Variants in CCAR1 observed in about 807,000 individuals in gnomAD.
CCAR1 encodes cell division cycle and apoptosis regulator 1.
In CCAR1, 78 loss-of-function variants were observed where a neutral mutation model predicts 163.8. The ratio of observed to expected loss-of-function variants is 0.48; its 90% CI spans 0.40 to 0.57. The LOEUF (loss-of-function observed/expected upper bound fraction) is 0.57. CCAR1 is among the 20% of genes least tolerant of loss of function. The pLI, the probability that CCAR1 is intolerant of heterozygous loss-of-function variation, is 0.00. For missense variants in CCAR1, 1,019 were observed against 1,365.2 expected, an observed-to-expected ratio of 0.75 and a Z score of 4.00; for synonymous variants, 443 against 460.7, an observed-to-expected ratio of 0.96 and a Z score of 0.49.
rs879210796 is a variant in CCAR1, at chr10:68,722,642, G to A, written c.73+65G>A. ...GGACTTGTTAAAACTACGTGAATTA[G>A]GGCCGGGGGTGGTGGCTCACGCCTG... On this transcript the variant is annotated intron_variant, in intron 2 of 24. Transcript: ENST00000265872. The A allele has an allele frequency of 6.3e-6, 8 of 1,272,412 alleles. No homozygotes were observed. The South Asian group carries it at 9.6e-5, about 15-fold the overall frequency. The allele number at this position is 1,272,412 out of a possible 1,614,324, so 78.8% of individuals were successfully genotyped here. A position where few individuals can be genotyped will look rare whatever the true frequency, so the allele number is the denominator to read the frequency against.
rs1016178705 is a variant in CCAR1, at chr10:68,783,644, C to G, written c.2651-2492C>G. On this transcript the variant is annotated intron_variant, in intron 19 of 24. Coordinates refer to ENST00000265872, the MANE Select transcript of CCAR1 (RefSeq NM_018237.4). ...GATGACTTTGAAGGGTTCAATAATT[C>G]AGTAGAGGGAATAACTGCAGGTATG... Among the ~76,000 whole-genome samples, 3 of 152,080 alleles carry G rather than the reference C, an allele frequency of 2.0e-5. No individual in the cohort carries two copies. The South Asian group carries it at 6.2e-4, about 32-fold the overall frequency.
Position 68,756,371 on chromosome 10 carries a change from A to G in CCAR1, c.1724A>G (p.Asp575Gly), listed in dbSNP as rs1289866096. Residue 575 changes from aspartate (D) to glycine (G), a missense_variant, in exon 14 of 25, where the codon GAT (aspartate) becomes GGT (glycine). Physicochemically the swap from Asp to Gly is moderately conservative, Grantham distance 94 (BLOSUM62 -1). Coordinates refer to ENST00000265872, the MANE Select transcript of CCAR1 (RefSeq NM_018237.4). The surrounding 1 kb of genome is among the most constrained non-coding windows in gnomAD (Gnocchi z 5.1). ...HVETVVLFFPDVWHCLPTRSE... is the reference protein window; with the variant it reads ...HVETVVLFFPGVWHCLPTRSE... ...GAGACAGTGGTTTTATTTTTCCCGG[A>G]TGTTTGGCATTGCCTTCCCACCCGC... The G allele has an allele frequency of 6.2e-7, 1 of 1,613,854 alleles. No individual in the cohort carries two copies. The highest frequency in any genetic ancestry group is 1.7e-5 in the Admixed American group (1 of 59,978).
At chr10:68,751,276 C>T (rs1279761795) in intron 10 of CCAR1, among the ~76,000 whole-genome samples, 1 of 152,044 alleles carries the variant, frequency 6.6e-6, no homozygotes, top group African/African-American at 2.4e-5. Flanking sequence ...ATCCAGTCGC[C>T]TCAGCCTCCC....
intron 5 of CCAR1, among the ~76,000 whole-genome samples, chr10:68,742,023 A>C (rs1252367505): frequency 6.6e-6 from 1 of 152,192 alleles, no homozygotes; most frequent in African/African-American, 2.4e-5. Context: ...CCCTAAGTGT[A>C]CCCATAACAC....
At chr10:68,765,329 A>G (rs1174914353) in intron 16 of CCAR1, among the ~76,000 whole-genome samples, 1 of 152,158 alleles carries the variant, frequency 6.6e-6, no homozygotes, top group Non-Finnish European at 1.5e-5. Context: ...CAGCTGCTGC[A>G]CTTTCCAGTA....
chr10:68,749,752 C>T (rs969275240), intron 10 of CCAR1, 67 bp downstream of exon 10: 1 of 1,356,756 alleles, frequency 7.4e-7, no homozygotes, highest in Non-Finnish European at 1.0e-6. Context: ...GAATATGTCA[C>T]AGAGGTATTT....
intron 16 of CCAR1, among the ~76,000 whole-genome samples, chr10:68,762,755 A>AT (rs1170945137): frequency 4.3e-4 from 65 of 152,036 alleles, no homozygotes; most frequent in Non-Finnish European, 2.9e-5. Context: ...TAAATTTTTT[A>AT]TTTTTTTTAA....
At chr10:68,788,704 C>CA (rs2056822499) in intron 23 of CCAR1, among the ~76,000 whole-genome samples, 1 of 152,048 alleles carries the variant, frequency 6.6e-6, no homozygotes, top group Non-Finnish European at 1.5e-5. Flanking sequence ...AGGATGGTCT[C>CA]AAACTCCTGA....
chr10:68,784,703 T>C (rs548502940), intron 19 of CCAR1, among the ~76,000 whole-genome samples: 76 of 152,116 alleles, frequency 5.0e-4, no homozygotes, highest in African/African-American at 1.8e-3. Context: ...CATGCGCTAC[T>C]TAGTCTGACT....
chr10:68,722,728 C>T (rs2055877125), intron 2 of CCAR1, 151 bp downstream of exon 2: 2 of 598,768 alleles, frequency 3.3e-6, no homozygotes, highest in Non-Finnish European at 5.9e-6. Context: ...TCGTAACCAG[C>T]CTGGCCAACA....
At chr10:68,767,719 A>G (rs1431890910) in intron 17 of CCAR1, among the ~76,000 whole-genome samples, 1 of 152,050 alleles carries the variant, frequency 6.6e-6, no homozygotes, top group Non-Finnish European at 1.5e-5. Context: ...TAATTTTTGC[A>G]TGTTGGCCAG....
At chr10:68,786,105 CTT>C (rs756318589) in intron 19 of CCAR1, 29 bp from the exon 20 acceptor site, 1 of 1,489,904 alleles carries the variant, frequency 6.7e-7, no homozygotes, top group African/African-American at 1.4e-5. Context: ...GTATTAATGA[CTT>C]TTTTGCCACT....
At chr10:68,787,803 C>T (rs552355225) in intron 21 of CCAR1, 124 bp from the exon 22 acceptor site, 2 of 869,038 alleles carry the variant, frequency 2.3e-6, no homozygotes, top group African/African-American at 3.5e-5. Flanking sequence ...CCACTGCACT[C>T]CAGTTTGGGC....
intron 10 of CCAR1, among the ~76,000 whole-genome samples, chr10:68,753,281 G>T (rs2056358028): frequency 6.6e-6 from 1 of 152,150 alleles, no homozygotes; most frequent in African/African-American, 2.4e-5. Context: ...ATCAGGTATG[G>T]ATCTTAATCA....
intron 19 of CCAR1, among the ~76,000 whole-genome samples, chr10:68,775,687 C>CTTTTTTTTTTTT (rs71028782): frequency 5.8e-5 from 3 of 51,750 alleles, no homozygotes; most frequent in East Asian, 6.1e-4. Flanking sequence ...TTTTTCTTTT[C>CTTTTTTTTTTTT]TTTTTTTTTT....
At chr10:68,764,712 A>C (rs2056516158) in intron 16 of CCAR1, among the ~76,000 whole-genome samples, 1 of 152,190 alleles carries the variant, frequency 6.6e-6, no homozygotes, top group Non-Finnish European at 1.5e-5. Context: ...GGTCAGATAC[A>C]TGATCTATCT....
intron 8 of CCAR1, among the ~76,000 whole-genome samples, chr10:68,748,404 A>T (rs558930485): frequency 9.2e-5 from 14 of 152,112 alleles, no homozygotes; most frequent in African/African-American, 3.4e-4. Flanking sequence ...CTGTCTCAAA[A>T]AAAAGAGAAA....
rs1202455434 is a variant in CCAR1 at position 68,737,022 on chromosome 10, G to A, written c.220G>A (p.Ala74Thr). 8 of 1,613,000 alleles carry A rather than the reference G, an allele frequency of 5.0e-6. No homozygotes were observed. Among genetic ancestry groups the A allele is most frequent in the South Asian group, 1.1e-5 (1 of 91,010 alleles). The change falls in exon 3 of 25, where the codon GCA (alanine) becomes ACA (threonine). Residue 74 changes from alanine (A) to threonine (T), a missense_variant. Ala to Thr is a moderately conservative substitution (Grantham distance 58). Transcript: ENST00000265872. ...TQTAALQQQA[A>T]AAAAALQQQY... Reference sequence around the variant, plus strand: ...AACTGCTGCATTGCAGCAACAAGCCGCAGCTGCAGCAGCTGCATTACAACA... The same window carrying A: ...AACTGCTGCATTGCAGCAACAAGCCACAGCTGCAGCAGCTGCATTACAACA...
chr10:68,772,400 C>T (rs1203049764), intron 18 of CCAR1, among the ~76,000 whole-genome samples: 1 of 151,708 alleles, frequency 6.6e-6, no homozygotes, highest in African/African-American at 2.4e-5. Context: ...GGAGGATTGC[C>T]TGAACCCAGG....
Sources: gnomAD v4.1 joint callset for allele counts (sites outside exome capture counted in the v4.1 genomes callset) on GRCh38, gnomAD v4.1.1 for gene constraint, Gnocchi (gnomAD v3.1) non-coding constraint, MANE v1.5 for transcripts, NCBI Gene and HGNC (gene_info 2026-07-23, HGNC 2026-07-21) for gene names.